Variants in F13B observed in about 807,000 individuals in gnomAD.
The protein encoded by F13B is TGase.
In F13B, 58 loss-of-function variants were observed where a neutral mutation model predicts 79.8. The ratio of observed to expected loss-of-function variants is 0.73; its 90% CI spans 0.59 to 0.90. F13B has a LOEUF of 0.90. Ranked by LOEUF, F13B falls within the 40% of genes least tolerant of loss-of-function variation. The pLI is 0.00. For missense variants in F13B, 773 were observed against 777.0 expected, an observed-to-expected ratio of 0.99 and a Z score of 0.06; for synonymous variants, 283 against 260.3, an observed-to-expected ratio of 1.09 and a Z score of -0.84.
At chr1:197,042,497 C>A in intron 10 of F13B, among the ~76,000 whole-genome samples, 1 of 151,742 alleles carries the variant, frequency 6.6e-6, no homozygotes, top group East Asian at 2.0e-4. Flanking sequence ...AAGTAAGGTT[C>A]TGGAAAAAAT....
In F13B at chr1:197,052,413, C is replaced by T. The variant is rs117441461; in HGVS notation, c.1555+221G>A. Among the ~76,000 whole-genome samples, 114 of 152,062 alleles carry T rather than the reference C, an allele frequency of 7.5e-4. 1 individual carries two copies. In the East Asian group the frequency reaches 0.02, roughly 27 times the overall value. On this transcript the variant is annotated intron_variant, in intron 9 of 11. Coordinates refer to ENST00000367412, the MANE Select transcript of F13B (RefSeq NM_001994.3). ...GAAATGAAATTCGACGCAGCAATTC[C>T]ATTACTGGAATTGCAAACCACCATG... is the stretch of plus-strand genomic sequence containing the variant.
At chr1:197,047,990 G>C (rs1359548647) in intron 10 of F13B, among the ~76,000 whole-genome samples, 3 of 152,028 alleles carry the variant, frequency 2.0e-5, no homozygotes, top group Admixed American at 2.0e-4. Context: ...GGGCCTGTCT[G>C]TGGGGGTCTG....
chr1:197,050,267 T>C (rs906746528), intron 10 of F13B, among the ~76,000 whole-genome samples: 2 of 152,168 alleles, frequency 1.3e-5, no homozygotes, highest in African/African-American at 4.8e-5. Flanking sequence ...GTAAATGTTG[T>C]TACTCTTACT....
In F13B at chr1:197,062,652, A is replaced by G. The variant is rs147538646; in HGVS notation, c.265+205T>C. ...CCTTCAACAGAGTATTATTAAAAAC[A>G]GATACAGAAAATAACATTTTAATGT... On this transcript the variant is annotated intron_variant, in intron 2 of 11. Transcript: ENST00000367412. Among the ~76,000 whole-genome samples, 326 of 152,300 alleles carry G rather than the reference A, an allele frequency of 2.1e-3. 1 individual carries two copies. The highest frequency in any genetic ancestry group is 5.7e-3 in the African/African-American group (239 of 41,586).
Position 197,063,051 on chromosome 1 carries a change from G to A in F13B, c.71C>T (p.Pro24Leu). The change falls in exon 2 of 12, where the codon CCC (proline) becomes CTC (leucine). Residue 24 changes from proline to leucine, a missense_variant. By Grantham distance (98) the Pro-to-Leu change is moderately conservative. Coordinates refer to ENST00000367412, the MANE Select transcript of F13B (RefSeq NM_001994.3). Reference protein sequence around the residue: ...ISGELYAEEKPCGFPHVENGR... With the variant: ...ISGELYAEEKLCGFPHVENGR... Reference sequence around the variant, plus strand: ...ATTTTCCACATGAGGAAAACCACAGGGTTTCTCTGAAATGAGTAAATGTCA... The same window carrying A: ...ATTTTCCACATGAGGAAAACCACAGAGTTTCTCTGAAATGAGTAAATGTCA... The A allele has an allele frequency of 6.2e-7, 1 of 1,610,534 alleles. No homozygotes were observed. The highest frequency in any genetic ancestry group is 1.1e-5 in the South Asian group (1 of 90,902).
intron 5 of F13B, among the ~76,000 whole-genome samples, chr1:197,058,873 G>A (rs992896232): frequency 2.6e-5 from 4 of 152,108 alleles, no homozygotes; most frequent in East Asian, 1.9e-4. Context: ...ACTGTTTACC[G>A]GAAAAAACAG....
intron 8 of F13B, among the ~76,000 whole-genome samples, chr1:197,053,353 C>A (rs991466357): frequency 2.0e-5 from 3 of 152,010 alleles, no homozygotes; most frequent in East Asian, 1.9e-4. Flanking sequence ...ATGGGAGGAA[C>A]CTGGTTGGAG....
At chr1:197,047,113 G>C (rs1327427583) in intron 10 of F13B, among the ~76,000 whole-genome samples, 1 of 152,126 alleles carries the variant, frequency 6.6e-6, no homozygotes, top group Non-Finnish European at 1.5e-5. Flanking sequence ...AGTACTTCAT[G>C]ACTAAAACAC....
chr1:197,052,153 T>G (rs1257377633), intron 9 of F13B, among the ~76,000 whole-genome samples: 1 of 152,206 alleles, frequency 6.6e-6, no homozygotes, highest in Non-Finnish European at 1.5e-5. Context: ...TTTTATGGTT[T>G]GGGGTTTTTA....
chr1:197,054,026 T>C (rs1412634), intron 8 of F13B, among the ~76,000 whole-genome samples: 124,416 of 152,026 alleles, frequency 0.82, 52,702 homozygotes, highest in East Asian at 1. Flanking sequence ...GAAAATTCTA[T>C]GCTTTATCAT....
chr1:197,045,519 T>G (rs964072218), intron 10 of F13B, among the ~76,000 whole-genome samples: 4 of 152,110 alleles, frequency 2.6e-5, no homozygotes, highest in African/African-American at 7.2e-5. Flanking sequence ...CAATAATTAA[T>G]AGCCTACAAA....
chr1:197,061,120 C>A, intron 3 of F13B, 45 bp from the exon 4 acceptor site: 1 of 951,660 alleles, frequency 1.1e-6, no homozygotes, highest in African/African-American at 1.7e-5. Context: ...TTTTAATAAC[C>A]TAGATTATAA....
chr1:197,050,649 AAAAAT>A (rs764244255), intron 10 of F13B, 43 bp downstream of exon 10: 1 of 1,543,604 alleles, frequency 6.5e-7, no homozygotes, highest in East Asian at 2.3e-5. Context: ...ACAGCAAATT[AAAAAT>A]ATATAGTTTT....
At chr1:197,060,266 GA>G (rs1450733809) in intron 5 of F13B, 99 bp downstream of exon 5, 35 of 834,400 alleles carry the variant, frequency 4.2e-5, no homozygotes, top group South Asian at 1.1e-4. Flanking sequence ...TAGGACTCAG[GA>G]AAAAAAATAG....
chr1:197,047,818 G>A (rs998470717), intron 10 of F13B, among the ~76,000 whole-genome samples: 1 of 152,068 alleles, frequency 6.6e-6, no homozygotes, highest in African/African-American at 2.4e-5. Flanking sequence ...CCATTAAAAA[G>A]GATGAGTTCA....
At chr1:197,065,484 A>G (rs1656015311) in intron 1 of F13B, among the ~76,000 whole-genome samples, 1 of 152,202 alleles carries the variant, frequency 6.6e-6, no homozygotes, top group African/African-American at 2.4e-5. Flanking sequence ...AAAATGGGAT[A>G]TCACTTTATG....
Position 197,063,070 on chromosome 1 carries a change from A to G in F13B, c.65-13T>C. ...CCACAGGGTTTCTCTGAAATGAGTA[A>G]ATGTCAAGCTGAAAATGGAAAAACA... is the stretch of plus-strand genomic sequence containing the variant. On this transcript the variant is annotated splice_polypyrimidine_tract_variant and intron_variant, in intron 1 of 11. Transcript: ENST00000367412. 1 of 1,603,210 alleles carries G rather than the reference A, an allele frequency of 6.2e-7. No individual in the cohort carries two copies. Among genetic ancestry groups the G allele is most frequent in the Non-Finnish European group, 8.5e-7 (1 of 1,172,248 alleles).
At chr1:197,053,987 T>C (rs557979192) in intron 8 of F13B, among the ~76,000 whole-genome samples, 1 of 152,178 alleles carries the variant, frequency 6.6e-6, no homozygotes, top group East Asian at 1.9e-4. Context: ...AGAGAGACTC[T>C]TAATGTCTGG....
Position 197,064,683 on chromosome 1 carries a change from T to C in F13B, c.65-1626A>G, listed in dbSNP as rs572243933. The stretch of plus-strand genomic sequence containing the variant: ...GGATGGTGTAAAATTTTGTAAAAAC[T>C]ATATAAGTGTATCCTGTGATTTTTG... On this transcript the variant is annotated intron_variant, in intron 1 of 11. Transcript: ENST00000367412. Among the ~76,000 whole-genome samples, 4 of 152,320 alleles carry C rather than the reference T, an allele frequency of 2.6e-5. No homozygotes were observed. The South Asian group carries it at 8.3e-4, about 32-fold the overall frequency.
Sources: gnomAD v4.1 joint callset for allele counts (sites outside exome capture counted in the v4.1 genomes callset) on GRCh38, gnomAD v4.1.1 for gene constraint, MANE v1.5 for transcripts, NCBI Gene and HGNC (gene_info 2026-07-23, HGNC 2026-07-21) for gene names.